The following THADA variants were observed in gnomAD, a reference collection of about 807,000 sequenced individuals.
THADA encodes THADA armadillo repeat containing.
In THADA, 213 loss-of-function variants were observed where a neutral mutation model predicts 219.8. The observed-to-expected ratio is 0.97, with a 90% confidence interval of 0.87 to 1.09. The LOEUF is 1.09. Among genes scored for constraint, THADA ranks in the 50% least tolerant of loss-of-function variants. The probability of loss-of-function intolerance (pLI) is 0.00; values close to 1 mark genes in which losing one functional copy is unlikely to be tolerated. For missense variants in THADA, 2,956 were observed against 2,311.3 expected (o/e 1.28, Z -5.72); for synonymous variants, 1,018 against 828.9 (o/e 1.23, Z -3.92).
chr2:43,341,807 T>G (rs1213970997), intron 30 of THADA, among the ~76,000 whole-genome samples: 1 of 152,106 alleles, frequency 6.6e-6, no homozygotes, highest in Non-Finnish European at 1.5e-5. Flanking sequence ...CAGCTGAGGG[T>G]ACTGATGTGA....
intron 21 of THADA, among the ~76,000 whole-genome samples, chr2:43,535,255 T>C (rs1407299374): frequency 1.3e-5 from 2 of 150,596 alleles, no homozygotes; most frequent in Non-Finnish European, 3.0e-5. Context: ...ATGAATAGTT[T>C]ACAAATTTTT....
intron 15 of THADA, chr2:43,562,909 T>C (rs1698239861): frequency 6.6e-6 from 1 of 152,232 alleles, no homozygotes; most frequent in Non-Finnish European, 1.5e-5. Context: ...GCAAACTTAA[T>C]AGAAATGTTC....
chr2:43,504,486 G>T (rs1460669613), intron 24 of THADA, among the ~76,000 whole-genome samples: 1 of 152,130 alleles, frequency 6.6e-6, no homozygotes, highest in Non-Finnish European at 1.5e-5. Flanking sequence ...CCTCCCACAG[G>T]TTCTGAAATA....
At chr2:43,272,665 C>T (rs536123426) in intron 36 of THADA, among the ~76,000 whole-genome samples, 1 of 145,650 alleles carries the variant, frequency 6.9e-6, no homozygotes, top group Admixed American at 6.9e-5. Context: ...CACTCTGTCA[C>T]CTAGGCTGGA....
intron 37 of THADA, among the ~76,000 whole-genome samples, chr2:43,232,368 C>T (rs1051271128): frequency 2.0e-5 from 3 of 151,926 alleles, no homozygotes; most frequent in African/African-American, 7.3e-5. Flanking sequence ...TTAGTAGAGA[C>T]GGGGTTTCAC....
In THADA at chr2:43,344,190, A is replaced by C; in HGVS notation, c.4275T>G (p.Asn1425Lys). 1 of 1,612,808 alleles carries C rather than the reference A, an allele frequency of 6.2e-7. No individual in the cohort carries two copies. The highest frequency in any genetic ancestry group is 1.1e-5 in the South Asian group (1 of 90,550). The change falls in exon 30 of 38, where the codon AAT (asparagine) becomes AAG (lysine). Residue 1425 changes from asparagine (N) to lysine (K), a missense_variant. By Grantham distance (94) the Asn-to-Lys change is moderately conservative (BLOSUM62 0). Coordinates refer to ENST00000405975, the MANE Select transcript of THADA (RefSeq NM_022065.5). ...QAYSDSKHGTNSDFQHELTDI... is the reference protein window; with the variant it reads ...QAYSDSKHGTKSDFQHELTDI... Reference sequence around the variant, plus strand: ...CAGTCAGCTCGTGCTGGAAGTCTGAATTCGTTCCGTGTTTGGAGTCTGAGT... The same window carrying C: ...CAGTCAGCTCGTGCTGGAAGTCTGACTTCGTTCCGTGTTTGGAGTCTGAGT...
At chr2:43,469,771 G>A (rs960378615) in intron 26 of THADA, among the ~76,000 whole-genome samples, 1 of 152,118 alleles carries the variant, frequency 6.6e-6, no homozygotes, top group Non-Finnish European at 1.5e-5. Context: ...TCAATGATAA[G>A]TAGGTGGTTA....
intron 36 of THADA, 86 bp from the exon 37 acceptor site, chr2:43,232,968 G>A: frequency 1.4e-6 from 2 of 1,429,970 alleles, no homozygotes; most frequent in Non-Finnish European, 1.9e-6. Context: ...GAACAATAAA[G>A]GCCTCAGGTA....
intron 29 of THADA, among the ~76,000 whole-genome samples, chr2:43,348,277 G>A (rs1667868490): frequency 6.6e-6 from 1 of 152,176 alleles, no homozygotes. Flanking sequence ...CCCCGGAGAT[G>A]AGAACTGCAC....
In THADA at chr2:43,352,949, T is replaced by C. The variant is rs141579560; in HGVS notation, c.4228-8712A>G. ...GAGTTTATTCTCCCGTTCTATATAT[T>C]TGACTTTTATTATTTTTTTAAAGAT... On this transcript the variant is annotated intron_variant, in intron 29 of 37. Coordinates refer to ENST00000405975, the MANE Select transcript of THADA (RefSeq NM_022065.5). 2.0e-3 allele frequency among the ~76,000 whole-genome samples: 310 copies of C among 152,298 alleles called. 1 individual carries two copies. The highest frequency in any genetic ancestry group is 6.9e-3 in the African/African-American group (288 of 41,562).
At chr2:43,263,848 G>A (rs1179800384) in intron 36 of THADA, among the ~76,000 whole-genome samples, 1 of 152,056 alleles carries the variant, frequency 6.6e-6, no homozygotes, top group Non-Finnish European at 1.5e-5. Context: ...TAGATATTAA[G>A]CCCAGCATGC....
intron 29 of THADA, among the ~76,000 whole-genome samples, chr2:43,388,570 G>A (rs1270953484): frequency 6.6e-6 from 1 of 152,132 alleles, no homozygotes; most frequent in African/African-American, 2.4e-5. Flanking sequence ...GTTTCCAGTG[G>A]GATCTGAGGG....
chr2:43,406,647 C>T (rs1000459163), intron 28 of THADA, among the ~76,000 whole-genome samples: 4 of 152,108 alleles, frequency 2.6e-5, no homozygotes, highest in African/African-American at 2.4e-5. Context: ...ACATTGGGAG[C>T]CCTAGAAAAT....
chr2:43,549,278 T>C lies in THADA; in HGVS notation c.3038A>G (p.His1013Arg), dbSNP rs763207278. 1.9e-6 allele frequency: 3 copies of C among 1,597,134 alleles called. No individual in the cohort carries two copies. The highest frequency in any genetic ancestry group is 1.3e-5 in the African/African-American group (1 of 74,804). Residue 1013 changes from histidine to arginine, a missense_variant, in exon 20 of 38, where the codon CAT (histidine) becomes CGT (arginine). By Grantham distance (29) the His-to-Arg change is conservative. Transcript: ENST00000405975. ...YFNQAKILKEHDSFDMKDLNA... is the reference protein window; with the variant it reads ...YFNQAKILKERDSFDMKDLNA... ...CAAGTCCTTCATATCAAAGCTATCATGTTCTTTCAATATTTTGGCTTGGTT... is the reference window on the plus strand; with the variant it reads ...CAAGTCCTTCATATCAAAGCTATCACGTTCTTTCAATATTTTGGCTTGGTT...
intron 28 of THADA, among the ~76,000 whole-genome samples, chr2:43,409,469 G>T (rs1274590428): frequency 6.6e-6 from 1 of 151,842 alleles, no homozygotes; most frequent in African/African-American, 2.4e-5. Context: ...GGTAAGTTGA[G>T]TCATATTTCA....
At chr2:43,550,301 T>C (rs1311001996) in intron 19 of THADA, among the ~76,000 whole-genome samples, 1 of 152,228 alleles carries the variant, frequency 6.6e-6, no homozygotes, top group Non-Finnish European at 1.5e-5. Flanking sequence ...ATTTAGGTAC[T>C]ATGGGAAATA....
At chr2:43,273,303 G>A (rs1429933585) in intron 36 of THADA, among the ~76,000 whole-genome samples, 1 of 151,954 alleles carries the variant, frequency 6.6e-6, no homozygotes, top group Non-Finnish European at 1.5e-5. Context: ...AGAAATGATG[G>A]AGGCAAATAA....
chr2:43,451,944 T>TA (rs1287728797), intron 26 of THADA, among the ~76,000 whole-genome samples: 1 of 151,938 alleles, frequency 6.6e-6, no homozygotes, highest in African/African-American at 2.4e-5. Flanking sequence ...CTGTCTCTAC[T>TA]AAAAATACAA....
rs532750630 is a variant in THADA at position 43,530,246 on chromosome 2, T to C, written c.3265-2258A>G. Among the ~76,000 whole-genome samples the C allele has an allele frequency of 1.8e-3, 268 of 152,342 alleles. 1 individual carries two copies. Among genetic ancestry groups the C allele is most frequent in the African/African-American group, 6.2e-3 (257 of 41,578 alleles). ...AAAGATCTGATGATACTCTTGATTT[T>C]AGTATCTTTTAAAGACCACATACTA... is the stretch of plus-strand genomic sequence containing the variant. On this transcript the variant is annotated intron_variant, in intron 21 of 37. Coordinates refer to ENST00000405975, the MANE Select transcript of THADA (RefSeq NM_022065.5).
Sources: gnomAD v4.1 joint callset for allele counts (sites outside exome capture counted in the v4.1 genomes callset) on GRCh38, gnomAD v4.1.1 for gene constraint, MANE v1.5 for transcripts, NCBI Gene and HGNC (gene_info 2026-07-23, HGNC 2026-07-21) for gene names.